The following MRTFA variants were observed in gnomAD, a reference collection of about 807,000 sequenced individuals.
MRTFA encodes the protein myocardin-related transcription factor A.
Under a neutral mutation model 83.5 loss-of-function variants are expected in MRTFA, and 20 were observed. That is an observed-to-expected ratio of 0.24 (90% CI 0.17 to 0.35). The LOEUF (loss-of-function observed/expected upper bound fraction) is 0.35. Ranked by LOEUF, MRTFA falls within the 10% of genes least tolerant of loss-of-function variation. MRTFA has a pLI of 1.00. For synonymous variants in MRTFA, 659 were observed against 541.2 expected (o/e 1.22, Z -3.02); for missense variants, 1,200 against 1,224.7 (o/e 0.98, Z 0.30).
At chr22:40,468,848 G>A (rs1378974853) in intron 3 of MRTFA, among the ~76,000 whole-genome samples, 1 of 152,166 alleles carries the variant, frequency 6.6e-6, no homozygotes, top group Non-Finnish European at 1.5e-5. Flanking sequence ...CTTCAGGGGG[G>A]AAACTGCTAT....
chr22:40,465,244 T>C (rs1424455030), intron 3 of MRTFA, among the ~76,000 whole-genome samples: 1 of 152,212 alleles, frequency 6.6e-6, no homozygotes, highest in African/African-American at 2.4e-5. Flanking sequence ...TATAAGTTCC[T>C]GGAGAGAAGA....
At position 40,482,373 on chromosome 22, in the gene MRTFA, T is replaced by C. The variant is rs548626741; in HGVS notation, c.242-19087A>G. Among the ~76,000 whole-genome samples the C allele has an allele frequency of 2.1e-4, 32 of 152,300 alleles. 1 individual carries two copies. Among genetic ancestry groups the C allele is most frequent in the African/African-American group, 3.1e-4 (13 of 41,544 alleles). Reference sequence around the variant, plus strand: ...AAATCTGAAGCTCACCACTTCATTTTGGGTAGCTGCTCATCTCCCCCCTTG... The same window carrying C: ...AAATCTGAAGCTCACCACTTCATTTCGGGTAGCTGCTCATCTCCCCCCTTG... On this transcript the variant is annotated intron_variant, in intron 3 of 14. Transcript: ENST00000355630.
At chr22:40,631,065 T>G (rs2056636534) in intron 1 of MRTFA, among the ~76,000 whole-genome samples, 2 of 152,206 alleles carry the variant, frequency 1.3e-5, no homozygotes. Flanking sequence ...ACACCCTTAA[T>G]GGCAACTTGT....
chr22:40,565,043 C>T (rs1223080197), intron 2 of MRTFA, among the ~76,000 whole-genome samples: 4 of 152,048 alleles, frequency 2.6e-5, no homozygotes, highest in African/African-American at 9.7e-5. Flanking sequence ...GGGACGTGAA[C>T]TCACCAGCTA....
chr22:40,497,873 C>A (rs2147214665), intron 3 of MRTFA, among the ~76,000 whole-genome samples: 1 of 152,242 alleles, frequency 6.6e-6, no homozygotes, highest in Non-Finnish European at 1.5e-5. Flanking sequence ...GTAGCTCACA[C>A]CTGTAATCCC....
chr22:40,629,404 C>G (rs1425858977), intron 1 of MRTFA, among the ~76,000 whole-genome samples: 1 of 150,734 alleles, frequency 6.6e-6, no homozygotes, highest in Non-Finnish European at 1.5e-5. Flanking sequence ...CAAGATCGAA[C>G]CACTGCACTC....
chr22:40,546,528 C>T (rs1250063548), intron 3 of MRTFA, among the ~76,000 whole-genome samples: 3 of 152,090 alleles, frequency 2.0e-5, no homozygotes, highest in African/African-American at 7.2e-5. Context: ...ATTTGATCTG[C>T]AACAAAAAGA....
chr22:40,453,390 C>T (rs191751329), intron 4 of MRTFA, among the ~76,000 whole-genome samples: 2 of 152,284 alleles, frequency 1.3e-5, no homozygotes, highest in East Asian at 3.9e-4. Flanking sequence ...AGTCCGAGGG[C>T]ACTGACCGGA....
chr22:40,584,395 C>T (rs765663342), intron 2 of MRTFA, among the ~76,000 whole-genome samples: 5 of 152,118 alleles, frequency 3.3e-5, no homozygotes, highest in African/African-American at 4.8e-5. Flanking sequence ...AAAATAGATG[C>T]GGAGGATTCT....
Position 40,561,008 on chromosome 22 carries a change from A to AT in MRTFA, c.-21-8642dup, listed in dbSNP as rs572652682. ...ACCAAATGGTATGGTTCTTCTGAAA[A>AT]TTTTTTTTAAACAATTGGTAAAAAA... is the stretch of plus-strand genomic sequence containing the variant. On this transcript the variant is annotated intron_variant, in intron 2 of 14. Coordinates refer to ENST00000355630, the MANE Select transcript of MRTFA (RefSeq NM_020831.6). Among the ~76,000 whole-genome samples the AT allele has an allele frequency of 2.0e-5, 3 of 152,236 alleles. No individual in the cohort carries two copies. In the South Asian group the frequency reaches 6.2e-4, roughly 32 times the overall value.
chr22:40,462,525 G>A (rs886256655), intron 4 of MRTFA, among the ~76,000 whole-genome samples: 8 of 152,186 alleles, frequency 5.3e-5, no homozygotes, highest in African/African-American at 1.9e-4. Context: ...CTCTGCTGAT[G>A]ATTTAAAAAA....
intron 3 of MRTFA, among the ~76,000 whole-genome samples, chr22:40,481,015 C>T (rs896879931): frequency 1.3e-5 from 2 of 151,890 alleles, no homozygotes; most frequent in Admixed American, 6.6e-5. Flanking sequence ...GCCTGTAGTC[C>T]TAGCTGCTCC....
Position 40,420,498 on chromosome 22 carries a change from C to T in MRTFA, c.1260G>A (p.Ser420=), listed in dbSNP as rs745748276. The change falls in exon 11 of 15, where the codon TCG becomes TCA. Residue 420 remains serine (S), a synonymous_variant. Transcript: ENST00000355630. ...CCAGCCCACAGGGCCCAGGGGCGCC[C>T]GAGCTGGAGCTGCTATTGGTAGTGG... The T allele has an allele frequency of 1.8e-5, 29 of 1,613,628 alleles. No homozygotes were observed. In the African/African-American group the frequency reaches 2.8e-4, roughly 16 times the overall value.
chr22:40,488,776 T>C (rs968121008), intron 3 of MRTFA, among the ~76,000 whole-genome samples: 1 of 151,544 alleles, frequency 6.6e-6, no homozygotes, highest in Non-Finnish European at 1.5e-5. Context: ...GAAGTTGCAG[T>C]GAGCCAAGAT....
At chr22:40,627,791 G>A (rs557473639) in intron 1 of MRTFA, among the ~76,000 whole-genome samples, 1 of 152,232 alleles carries the variant, frequency 6.6e-6, no homozygotes, top group South Asian at 2.1e-4. Context: ...TCAGCCTGGG[G>A]AACACTGTGA....
chr22:40,538,783 A>C (rs1323605148), intron 3 of MRTFA, among the ~76,000 whole-genome samples: 1 of 152,098 alleles, frequency 6.6e-6, no homozygotes, highest in Non-Finnish European at 1.5e-5. Context: ...AAAAGAACTA[A>C]AGTAAACTTT....
At chr22:40,464,043 A>G (rs1164700197) in intron 3 of MRTFA, among the ~76,000 whole-genome samples, 2 of 152,030 alleles carry the variant, frequency 1.3e-5, no homozygotes, top group Admixed American at 6.6e-5. Context: ...TCATGCCTAC[A>G]TGTAATCCCA....
chr22:40,426,618 C>T (rs2052959452), intron 7 of MRTFA, among the ~76,000 whole-genome samples: 1 of 152,176 alleles, frequency 6.6e-6, no homozygotes. Context: ...CCATGCTGTT[C>T]CCTCTTGTAC....
chr22:40,618,080 G>GTTT (rs66504883), intron 1 of MRTFA, among the ~76,000 whole-genome samples: 1 of 141,688 alleles, frequency 7.1e-6, no homozygotes, highest in Non-Finnish European at 1.6e-5. Context: ...GTTGTTTTTT[G>GTTT]TTTTTTTTTT....
Sources: allele counts gnomAD v4.1 joint callset (sites outside exome capture counted in the v4.1 genomes callset), GRCh38; gene constraint gnomAD v4.1.1; transcripts MANE v1.5; gene names NCBI Gene and HGNC (gene_info 2026-07-23, HGNC 2026-07-21).